The following PRPF31 variants were observed in gnomAD, a reference collection of about 807,000 sequenced individuals.
PRPF31 encodes the protein U4/U6 small nuclear ribonucleoprotein Prp31.
A neutral mutation model predicts 60.4 loss-of-function variants in PRPF31; 12 were observed. The ratio of observed to expected loss-of-function variants is 0.20; its 90% CI spans 0.13 to 0.32. The LOEUF is 0.32. Ranked by LOEUF, PRPF31 falls within the 10% of genes least tolerant of loss-of-function variation. The pLI is 1.00. For missense variants in PRPF31, 431 were observed against 687.1 expected, an observed-to-expected ratio of 0.63 and a Z score of 4.17; for synonymous variants, 287 against 287.9, an observed-to-expected ratio of 1.00 and a Z score of 0.03.
At chr19:54,120,829 C>T (rs2073767695) in intron 3 of PRPF31, among the ~76,000 whole-genome samples, 1 of 151,932 alleles carries the variant, frequency 6.6e-6, no homozygotes, top group South Asian at 2.1e-4. Context: ...GCCCAGGTTG[C>T]TCTCCAACTC....
chr19:54,128,878 A>G (rs2576453), intron 11 of PRPF31, among the ~76,000 whole-genome samples, 179 bp from the exon 12 acceptor site: 62,662 of 152,032 alleles, frequency 0.41, 13,170 homozygotes, highest in East Asian at 0.59. Context: ...CAGGCTCCCC[A>G]GCATCCCCCG....
chr19:54,126,195 G>A (rs747297509), intron 8 of PRPF31, among the ~76,000 whole-genome samples: 36 of 152,234 alleles, frequency 2.4e-4, no homozygotes, highest in Non-Finnish European at 4.3e-4. Flanking sequence ...TTGATGAGAT[G>A]ATCCGAGGGG....
chr19:54,118,171 TAAAG>T, intron 1 of PRPF31, 96 bp from the exon 2 acceptor site: 1 of 1,559,904 alleles, frequency 6.4e-7, no homozygotes, highest in Admixed American at 1.7e-5. Flanking sequence ...GTGGGGTTGA[TAAAG>T]AAGGACCAGG....
intron 4 of PRPF31, 167 bp downstream of exon 4, chr19:54,122,110 G>A (rs892122456): frequency 2.2e-5 from 17 of 770,220 alleles, no homozygotes; most frequent in African/African-American, 6.8e-5. Context: ...GTTCTCTCGC[G>A]TATGAGTCTG....
In PRPF31 at chr19:54,128,285, G is replaced by GGGGGCCCCCCCCC; in HGVS notation, c.1074-20_1074-19insGGGGCCCCCCCCC. The GGGGGCCCCCCCCC allele has an allele frequency of 6.5e-7, 1 of 1,540,486 alleles. No individual in the cohort carries two copies. The highest frequency in any genetic ancestry group is 1.2e-5 in the South Asian group (1 of 83,848). ...TCCTCCCAGCCGACTCCCTGGCGCCGCCCACCCACCCGTCCCCAGGTACCG... is the reference window on the plus strand; with the variant it reads ...TCCTCCCAGCCGACTCCCTGGCGCCGGGGGCCCCCCCCCCCCACCCACCCGTCCCCAGGTACCG... On this transcript the variant is annotated intron_variant, in intron 10 of 13. Transcript: ENST00000321030.
chr19:54,124,932 A>G (rs1299801296), intron 8 of PRPF31: 1 of 578,816 alleles, frequency 1.7e-6, no homozygotes, highest in African/African-American at 1.9e-5. Flanking sequence ...AGTTGGGACG[A>G]GGGCTCAGTG....
chr19:54,130,725 C>G (rs1269368965), intron 13 of PRPF31, among the ~76,000 whole-genome samples: 1 of 152,048 alleles, frequency 6.6e-6, no homozygotes, highest in Admixed American at 6.5e-5. Context: ...CAGGGAGGGC[C>G]TCTTTGAGAA....
chr19:54,124,422 C>A, intron 7 of PRPF31, 77 bp from the exon 8 acceptor site: 4 of 1,286,768 alleles, frequency 3.1e-6, no homozygotes, highest in Non-Finnish European at 4.5e-6. Flanking sequence ...CACGTCGAGC[C>A]CCCAGGCAGA....
At chr19:54,130,684 G>A (rs1568602281) in intron 13 of PRPF31, among the ~76,000 whole-genome samples, 1 of 151,986 alleles carries the variant, frequency 6.6e-6, no homozygotes, top group African/African-American at 2.4e-5. Flanking sequence ...GGTAGGAGGT[G>A]GGACAGGGGA....
intron 5 of PRPF31, chr19:54,123,237 G>T (rs2073836895): frequency 1.1e-5 from 7 of 613,792 alleles, no homozygotes; most frequent in Non-Finnish European, 2.0e-5. Context: ...TCCGTTTCCA[G>T]GTCAGCGAAA....
chr19:54,118,079 G>A (rs1344452376), intron 1 of PRPF31, among the ~76,000 whole-genome samples, 192 bp from the exon 2 acceptor site: 2 of 152,184 alleles, frequency 1.3e-5, no homozygotes, highest in African/African-American at 2.4e-5. Flanking sequence ...GGGGTGTGCT[G>A]CGTCTTGCAC....
At chr19:54,123,404 G>A (rs748400557) in intron 5 of PRPF31, 50 bp from the exon 6 acceptor site, 54 of 1,425,472 alleles carry the variant, frequency 3.8e-5, no homozygotes, top group Middle Eastern at 1.7e-4. Context: ...AGAGGTTCTC[G>A]AGCCTTCCTG....
intron 9 of PRPF31, among the ~76,000 whole-genome samples, chr19:54,127,116 T>C (rs1451786795): frequency 6.6e-6 from 1 of 152,166 alleles, no homozygotes; most frequent in Non-Finnish European, 1.5e-5. Flanking sequence ...CGAGACTCCA[T>C]CTAAAAACAA....
At chr19:54,121,059 A>G (rs1213502780) in intron 3 of PRPF31, among the ~76,000 whole-genome samples, 3 of 152,162 alleles carry the variant, frequency 2.0e-5, no homozygotes, top group African/African-American at 7.2e-5. Context: ...TGGGTGGTCA[A>G]GGCAGATGGA....
intron 9 of PRPF31, among the ~76,000 whole-genome samples, chr19:54,126,852 C>T (rs11673377): frequency 0.27 from 40,536 of 152,114 alleles, 6,298 homozygotes; most frequent in Non-Finnish European, 0.36. Flanking sequence ...CAGGTGTGGC[C>T]GGGTGCAGTA....
chr19:54,125,003 A>G (rs587664056), intron 8 of PRPF31: 25 of 441,164 alleles, frequency 5.7e-5, no homozygotes, highest in South Asian at 5.1e-4. Context: ...TTAGCGTGCA[A>G]CTGCTCCGAA....
chr19:54,118,463 G>A lies in PRPF31; in HGVS notation c.177+8G>A. 2.5e-6 allele frequency: 4 copies of A among 1,614,118 alleles called. No homozygotes were observed. The highest frequency in any genetic ancestry group is 1.1e-5 in the South Asian group (1 of 91,084). On this transcript the variant is annotated splice_region_variant and intron_variant, in intron 2 of 13. Coordinates refer to ENST00000321030, the MANE Select transcript of PRPF31 (RefSeq NM_015629.4). ...CTATGGGATAGTAAGATGGTAAGAG[G>A]ACAAGAGGTGTTCCTAGCAGGGGGC...
rs1333416157 is a variant in PRPF31 at position 54,118,809 on chromosome 19, AG to A, written c.238+177del. On this transcript the variant is annotated intron_variant, in intron 3 of 13. Coordinates refer to ENST00000321030, the MANE Select transcript of PRPF31 (RefSeq NM_015629.4). ...CCACTAAATATATATTGCATTGTAA[AG>A]CTCATGCTTCTTAAGTCCTTCCTGT... 16 of 627,642 alleles carry A rather than the reference AG, an allele frequency of 2.5e-5. No individual in the cohort carries two copies. The Admixed American group carries it at 4.2e-4, about 16-fold the overall frequency. The allele number at this position is 627,642 out of a possible 1,614,324, so 38.9% of individuals were successfully genotyped here.
intron 5 of PRPF31, chr19:54,122,927 G>T (rs907338321): frequency 3.6e-5 from 18 of 503,744 alleles, no homozygotes; most frequent in African/African-American, 9.7e-5. Context: ...TCTAAGTGCA[G>T]AGAGCTGGAG....
Sources: gnomAD v4.1 joint callset for allele counts (sites outside exome capture counted in the v4.1 genomes callset) on GRCh38, gnomAD v4.1.1 for gene constraint, MANE v1.5 for transcripts, NCBI Gene and HGNC (gene_info 2026-07-23, HGNC 2026-07-21) for gene names.